The following CDH13 variants were observed in gnomAD, a reference collection of about 807,000 sequenced individuals.
CDH13 encodes cadherin 13.
CDH13 carries 24 observed loss-of-function variants against 63.8 expected under a neutral mutation model. The ratio of observed to expected loss-of-function variants is 0.38; its 90% CI spans 0.27 to 0.53. The LOEUF is 0.53. CDH13 is among the 20% of genes least tolerant of loss of function. The pLI, the probability that CDH13 is intolerant of heterozygous loss-of-function variation, is 0.85. For synonymous variants in CDH13, 503 were observed against 355.3 expected (o/e 1.42, Z -4.67); for missense variants, 1,049 against 903.1 (o/e 1.16, Z -2.07).
rs1906214780 is a variant in CDH13, at chr16:83,586,878, G to A, written c.961-15576G>A. Among the ~76,000 whole-genome samples the A allele has an allele frequency of 2.6e-5, 4 of 152,176 alleles. No individual in the cohort carries two copies. The South Asian group carries it at 8.3e-4, about 32-fold the overall frequency. On this transcript the variant is annotated intron_variant, in intron 7 of 13. Transcript: ENST00000567109. ...CTGTGGTGTAACTGGAATCCATCTTGTGTGATTTTTTTTCCCTCAGATGAT... is the reference window on the plus strand; with the variant it reads ...CTGTGGTGTAACTGGAATCCATCTTATGTGATTTTTTTTCCCTCAGATGAT...
intron 7 of CDH13, among the ~76,000 whole-genome samples, chr16:83,519,231 C>T (rs1463894146): frequency 1.3e-5 from 2 of 152,126 alleles, no homozygotes; most frequent in Non-Finnish European, 2.9e-5. Context: ...CTTGTCTCAG[C>T]CTAACAAGAT....
At chr16:83,723,176 C>T (rs186365390) in intron 10 of CDH13, among the ~76,000 whole-genome samples, 2 of 152,362 alleles carry the variant, frequency 1.3e-5, no homozygotes, top group Admixed American at 1.3e-4. Flanking sequence ...ATGACTTTCA[C>T]TTGGCAGAAG....
At chr16:82,668,835 T>C (rs1000911656) in intron 1 of CDH13, among the ~76,000 whole-genome samples, 1 of 152,214 alleles carries the variant, frequency 6.6e-6, no homozygotes, top group Non-Finnish European at 1.5e-5. Context: ...AGAGAGGGGC[T>C]GTGAGCCCCT....
chr16:83,335,919 T>C (rs1376975040), intron 5 of CDH13, among the ~76,000 whole-genome samples: 2 of 152,140 alleles, frequency 1.3e-5, no homozygotes, highest in Admixed American at 6.5e-5. Context: ...TGCCCCCGGC[T>C]GAATAAACCC....
intron 8 of CDH13, among the ~76,000 whole-genome samples, chr16:83,647,121 T>A (rs1911899142): frequency 6.6e-6 from 1 of 151,792 alleles, no homozygotes; most frequent in Non-Finnish European, 1.5e-5. Context: ...CCATCCTGTA[T>A]AACACGGTGA....
chr16:83,207,842 C>T (rs1597516687), intron 4 of CDH13, among the ~76,000 whole-genome samples: 1 of 150,824 alleles, frequency 6.6e-6, no homozygotes, highest in East Asian at 1.9e-4. Flanking sequence ...TGCAAAAAAC[C>T]CAACAATGAA....
intron 1 of CDH13, among the ~76,000 whole-genome samples, chr16:82,846,436 A>T (rs2039260253): frequency 6.6e-6 from 1 of 152,182 alleles, no homozygotes; most frequent in African/African-American, 2.4e-5. Context: ...CTGTCCTGAA[A>T]CATTTGATTT....
At chr16:83,790,476 C>T (rs1043704256) in intron 13 of CDH13, among the ~76,000 whole-genome samples, 3 of 152,098 alleles carry the variant, frequency 2.0e-5, no homozygotes, top group Admixed American at 6.5e-5. Context: ...CTCTGCTCAC[C>T]GCAAGCTCCA....
chr16:82,980,178 A>G (rs908251849), intron 2 of CDH13, among the ~76,000 whole-genome samples: 5 of 152,144 alleles, frequency 3.3e-5, no homozygotes, highest in Admixed American at 2.6e-4. Flanking sequence ...GCAGAAGGCC[A>G]CCTGACGTGT....
At chr16:83,717,833 C>T (rs254321) in intron 10 of CDH13, 90,177 of 152,080 alleles carry the variant, frequency 0.59, 27,258 homozygotes, top group African/African-American at 0.71. Flanking sequence ...GACACCTTTC[C>T]CTGGATTTTT....
intron 1 of CDH13, among the ~76,000 whole-genome samples, chr16:82,840,840 C>G (rs898967616): frequency 6.6e-6 from 1 of 152,108 alleles, no homozygotes; most frequent in Non-Finnish European, 1.5e-5. Flanking sequence ...AATGACTTCT[C>G]TGCAGCTGTT....
Position 83,688,706 on chromosome 16 carries a change from G to A in CDH13, c.1538+10245G>A, listed in dbSNP as rs550657967. On this transcript the variant is annotated intron_variant, in intron 10 of 13. Coordinates refer to ENST00000567109, the MANE Select transcript of CDH13 (RefSeq NM_001257.5). Reference sequence around the variant, plus strand: ...ATGGATTGTTTACAGTGGTGTCTTTGTAATTTTTAATTAAAGCGGTGTTGT... The same window carrying A: ...ATGGATTGTTTACAGTGGTGTCTTTATAATTTTTAATTAAAGCGGTGTTGT... Among the ~76,000 whole-genome samples, 10 of 152,204 alleles carry A rather than the reference G, an allele frequency of 6.6e-5. No individual in the cohort carries two copies. The East Asian group carries it at 1.7e-3, about 26-fold the overall frequency.
intron 7 of CDH13, among the ~76,000 whole-genome samples, chr16:83,487,061 AT>A (rs2151564243): frequency 6.6e-6 from 1 of 152,216 alleles, no homozygotes; most frequent in East Asian, 1.9e-4. Flanking sequence ...GCAGAGTCAA[AT>A]GCCCATGACT....
chr16:83,533,295 G>C (rs953643787), intron 7 of CDH13, among the ~76,000 whole-genome samples: 1 of 152,172 alleles, frequency 6.6e-6, no homozygotes, highest in South Asian at 2.1e-4. Flanking sequence ...TCTCAACTCA[G>C]CGTGACTCGC....
At chr16:83,355,453 A>T (rs2091033642) in intron 6 of CDH13, among the ~76,000 whole-genome samples, 1 of 152,202 alleles carries the variant, frequency 6.6e-6, no homozygotes, top group African/African-American at 2.4e-5. Context: ...TTCATCCTTC[A>T]ACTTCCAACA....
chr16:82,683,670 T>G (rs1161780870), intron 1 of CDH13, among the ~76,000 whole-genome samples: 1 of 152,220 alleles, frequency 6.6e-6, no homozygotes, highest in Non-Finnish European at 1.5e-5. Context: ...TTGATAGAGA[T>G]AATTAATTAG....
chr16:83,095,436 C>A (rs2034145719), intron 3 of CDH13, among the ~76,000 whole-genome samples: 1 of 152,212 alleles, frequency 6.6e-6, no homozygotes, highest in African/African-American at 2.4e-5. Context: ...TGATAAAGTA[C>A]TTCTCCCAAA....
At chr16:83,227,546 C>T (rs2039877575) in intron 5 of CDH13, among the ~76,000 whole-genome samples, 1 of 152,188 alleles carries the variant, frequency 6.6e-6, no homozygotes, top group Non-Finnish European at 1.5e-5. Flanking sequence ...AGCCAGCCAA[C>T]CTCCGTGTTA....
chr16:82,718,978 T>G (rs1227189026), intron 1 of CDH13, among the ~76,000 whole-genome samples: 3 of 152,212 alleles, frequency 2.0e-5, no homozygotes. Context: ...GGTCCGTATC[T>G]GTTCTGGTTG....
Sources: gnomAD v4.1 joint callset for allele counts (sites outside exome capture counted in the v4.1 genomes callset) on GRCh38, gnomAD v4.1.1 for gene constraint, MANE v1.5 for transcripts, NCBI Gene and HGNC (gene_info 2026-07-23, HGNC 2026-07-21) for gene names.